ANKRD36: variants seen among roughly 807,000 people sequenced by gnomAD.
The protein encoded by ANKRD36 is ankyrin repeat domain-containing protein 36A.
Under a neutral mutation model 278.1 loss-of-function variants are expected in ANKRD36, and 179 were observed. That is an observed-to-expected ratio of 0.64 (90% CI 0.57 to 0.73). The LOEUF is 0.73. Ranked by LOEUF, ANKRD36 falls within the 30% of genes least tolerant of loss-of-function variation. ANKRD36 has a pLI of 0.00. For missense variants in ANKRD36, 1,159 were observed against 1,956.7 expected (o/e 0.59, Z 7.69); for synonymous variants, 320 against 641.1 (o/e 0.50, Z 7.57).
At chr2:97,222,842 T>C (rs1445908258) in intron 66 of ANKRD36, among the ~76,000 whole-genome samples, 1 of 152,220 alleles carries the variant, frequency 6.6e-6, no homozygotes, top group East Asian at 2.0e-4. Context: ...TAAGAAACTT[T>C]GACTGATTTT....
intron 15 of ANKRD36, 46 bp from the exon 16 acceptor site, chr2:97,158,061 A>T (rs1414425732): frequency 2.9e-6 from 4 of 1,376,116 alleles, no homozygotes; most frequent in African/African-American, 1.4e-5. Context: ...AATTATCATT[A>T]TTTTAACTTG....
chr2:97,186,196 T>A lies in ANKRD36; in HGVS notation c.2041+686T>A, dbSNP rs868744042. Reference sequence around the variant, plus strand: ...TTGCTACTATTAGGCATAAGACATATATCTTTTGTTGATTTTTGTTATAAA... The same window carrying A: ...TTGCTACTATTAGGCATAAGACATAAATCTTTTGTTGATTTTTGTTATAAA... On this transcript the variant is annotated intron_variant, in intron 30 of 75. Transcript: ENST00000420699. Among the ~76,000 whole-genome samples, 38 of 151,872 alleles carry A rather than the reference T, an allele frequency of 2.5e-4. 1 individual carries two copies. The highest frequency in any genetic ancestry group is 8.4e-4 in the African/African-American group (35 of 41,458).
intron 52 of ANKRD36, among the ~76,000 whole-genome samples, chr2:97,206,623 G>A (rs2062927884): frequency 6.6e-6 from 1 of 151,360 alleles, no homozygotes; most frequent in Non-Finnish European, 1.5e-5. Context: ...AAAAGAAGAA[G>A]TCATTTATAT....
rs546936079 is a variant in ANKRD36, at chr2:97,198,010, C to T, written c.2654-453C>T. Among the ~76,000 whole-genome samples the T allele has an allele frequency of 2.6e-5, 4 of 151,958 alleles. No homozygotes were observed. In the East Asian group the frequency reaches 5.9e-4, roughly 22 times the overall value. ...CTGAATTGTCATCGTAATTGTGTGC[C>T]TTCTCAGTTATTGGGCAAGTTAAAG... is the stretch of plus-strand genomic sequence containing the variant. On this transcript the variant is annotated intron_variant, in intron 42 of 75. Transcript: ENST00000420699.
At chr2:97,123,613 T>TTATATA (rs59057238) in intron 4 of ANKRD36, among the ~76,000 whole-genome samples, 2,398 of 64,634 alleles carry the variant, frequency 0.037, 199 homozygotes, top group African/African-American at 0.081. Flanking sequence ...GTAAGTAACA[T>TTATATA]TATATATATA....
In ANKRD36 at chr2:97,198,373, G is replaced by C. The variant is rs1047060338; in HGVS notation, c.2654-90G>C. On this transcript the variant is annotated intron_variant, in intron 42 of 75. Coordinates refer to ENST00000420699, the MANE Select transcript of ANKRD36 (RefSeq NM_001354587.1). ...AAAGCGTACACTAATACAGGCAGGA[G>C]GACAGAGGTTGATGCTAACACTGTA... 4.5e-6 allele frequency: 7 copies of C among 1,544,360 alleles called. No individual in the cohort carries two copies. The African/African-American group carries it at 6.9e-5, about 15-fold the overall frequency.
At chr2:97,212,377 C>G (rs2064900431) in intron 58 of ANKRD36, among the ~76,000 whole-genome samples, 2 of 151,824 alleles carry the variant, frequency 1.3e-5, no homozygotes, top group South Asian at 4.2e-4. Flanking sequence ...TGGGATAAAC[C>G]ACAGTGACTC....
intron 22 of ANKRD36, among the ~76,000 whole-genome samples, chr2:97,173,305 A>T (rs2053181377): frequency 2.0e-5 from 3 of 151,138 alleles, no homozygotes. Flanking sequence ...CTGGAGAGGA[A>T]AACAGGTAGG....
rs544593025 is a variant in ANKRD36 at position 97,200,628 on chromosome 2, C to T, written c.2857+103C>T. 1.8e-3 allele frequency: 2,668 copies of T among 1,496,208 alleles called. 15 individuals are homozygous for T. Among genetic ancestry groups the T allele is most frequent in the Non-Finnish European group, 1.5e-3 (1,729 of 1,116,920 alleles). 92.7% of individuals were successfully genotyped at this position (1,496,208 alleles called of 1,614,324 possible). A position where few individuals can be genotyped will look rare whatever the true frequency, so the allele number is the denominator to read the frequency against. On this transcript the variant is annotated intron_variant, in intron 46 of 75. Transcript: ENST00000420699. ...CTGGTTGAAGCTGCACGTTCTGATT[C>T]ACCAAGCTTGAGATTCTTCTTTTCT... is the stretch of plus-strand genomic sequence containing the variant.
chr2:97,117,431 T>C, intron 1 of ANKRD36, among the ~76,000 whole-genome samples: 1 of 152,072 alleles, frequency 6.6e-6, no homozygotes, highest in East Asian at 1.9e-4. Context: ...TTACTTTATA[T>C]ATCAATAAGA....
intron 5 of ANKRD36, among the ~76,000 whole-genome samples, chr2:97,125,381 GC>G (rs2038303197): frequency 7.8e-6 from 1 of 127,908 alleles, no homozygotes; most frequent in East Asian, 2.3e-4. Flanking sequence ...CACATACGGA[GC>G]AAATTGACAC....
intron 6 of ANKRD36, among the ~76,000 whole-genome samples, chr2:97,127,840 T>TA (rs1433154539): frequency 6.6e-6 from 1 of 151,986 alleles, no homozygotes; most frequent in African/African-American, 2.4e-5. Context: ...TTTTTATTTG[T>TA]AAAAAAACAA....
chr2:97,123,015 G>A (rs1384708236), intron 4 of ANKRD36, 22 bp downstream of exon 4: 1 of 1,503,054 alleles, frequency 6.7e-7, no homozygotes, highest in Non-Finnish European at 8.9e-7. Context: ...AGTTCTTATT[G>A]TGTCGTTTTT....
intron 22 of ANKRD36, among the ~76,000 whole-genome samples, chr2:97,170,901 G>A (rs1486742836): frequency 6.7e-6 from 1 of 148,298 alleles, no homozygotes; most frequent in Non-Finnish European, 1.5e-5. Context: ...GACATGAACA[G>A]ACACTTCTCA....
At chr2:97,130,291 T>C (rs1291405831) in intron 6 of ANKRD36, among the ~76,000 whole-genome samples, 1 of 151,884 alleles carries the variant, frequency 6.6e-6, no homozygotes, top group African/African-American at 2.4e-5. Context: ...TTCCTGTCCT[T>C]TGTAGGGACA....
chr2:97,194,152 G>A (rs981236705), intron 38 of ANKRD36, among the ~76,000 whole-genome samples: 1 of 151,604 alleles, frequency 6.6e-6, no homozygotes, highest in Non-Finnish European at 1.5e-5. Flanking sequence ...GGGTGTGAGG[G>A]ATAATGAATA....
intron 66 of ANKRD36, among the ~76,000 whole-genome samples, 184 bp downstream of exon 66, chr2:97,219,430 A>G (rs1298451500): frequency 1.3e-5 from 2 of 152,134 alleles, no homozygotes; most frequent in African/African-American, 4.8e-5. Context: ...CATAAAGAAA[A>G]TATATTTTTA....
chr2:97,161,645 T>C (rs938669795), intron 17 of ANKRD36, among the ~76,000 whole-genome samples: 2 of 152,234 alleles, frequency 1.3e-5, no homozygotes, highest in African/African-American at 4.8e-5. Context: ...TCTCCCATTT[T>C]ATCTCTCCAC....
intron 46 of ANKRD36, among the ~76,000 whole-genome samples, chr2:97,200,887 AACAG>A (rs1378357415): frequency 3.9e-5 from 6 of 151,900 alleles, no homozygotes; most frequent in Non-Finnish European, 5.9e-5. Context: ...TAGTGCTAAA[AACAG>A]ACAGAAAACT....
Sources: gnomAD v4.1 joint callset for allele counts (sites outside exome capture counted in the v4.1 genomes callset) on GRCh38, gnomAD v4.1.1 for gene constraint, MANE v1.5 for transcripts, NCBI Gene and HGNC (gene_info 2026-07-23, HGNC 2026-07-21) for gene names.